CENPU: variants seen among roughly 807,000 people sequenced by gnomAD.
CENPU encodes the protein KSHV latent nuclear antigen interacting protein 1.
Under a neutral mutation model 56.7 loss-of-function variants are expected in CENPU, and 46 were observed. That is an observed-to-expected ratio of 0.81 (90% confidence interval 0.64 to 1.04). The LOEUF is 1.04. CENPU is among the 50% of genes least tolerant of loss of function. CENPU has a pLI of 0.00. For synonymous variants in CENPU, 166 were observed against 163.0 expected (o/e 1.02, Z -0.14); for missense variants, 510 against 490.1 (o/e 1.04, Z -0.38).
chr4:184,702,158 C>T (rs28660669), intron 9 of CENPU, 22 bp from the exon 10 acceptor site: 232,643 of 1,561,050 alleles, frequency 0.15, 18,744 homozygotes, highest in African/African-American at 0.26. Flanking sequence ...AAAAAATACA[C>T]ATGTACATCA....
Position 184,696,796 on chromosome 4 carries a change from T to C in CENPU, c.1143+851A>G, listed in dbSNP as rs554074307. ...GGCAGATGGCATAACAGTAGCAAAG[T>C]CTGCAGTAAAAATCCAGAAGCAACT... On this transcript the variant is annotated intron_variant, in intron 12 of 12. Coordinates refer to ENST00000281453, the MANE Select transcript of CENPU (RefSeq NM_024629.4). Among the ~76,000 whole-genome samples the C allele has an allele frequency of 9.9e-5, 15 of 152,038 alleles. No homozygotes were observed. The South Asian group carries it at 3.1e-3, about 32-fold the overall frequency.
chr4:184,731,883 C>CTGTGTGTGTGTGTGTGTGTG (rs59083873), intron 1 of CENPU, among the ~76,000 whole-genome samples: 3,278 of 146,702 alleles, frequency 0.022, 67 homozygotes, highest in South Asian at 0.032. Flanking sequence ...CTCATGTGCT[C>CTGTGTGTGTGTGTGTGTGTG]TGTGTGTGTG....
intron 2 of CENPU, 104 bp from the exon 3 acceptor site, chr4:184,729,139 AATCCTTATGCATGGG>A: frequency 2.3e-6 from 2 of 855,032 alleles, no homozygotes; most frequent in Non-Finnish European, 3.9e-6. Flanking sequence ...CTAAGGAAGC[AATCCTTATGCATGGG>A]GTGATGGATT....
rs746134998 is a variant in CENPU, at chr4:184,716,575, G to T, written c.440C>A (p.Thr147Lys). 1 of 1,614,100 alleles carries T rather than the reference G, an allele frequency of 6.2e-7. No individual in the cohort carries two copies. The highest frequency in any genetic ancestry group is 8.5e-7 in the Non-Finnish European group (1 of 1,180,020). ...DDSESIEESD[T>K]RRKVKSAEKI... The stretch of plus-strand genomic sequence containing the variant: ...CTCTGCTGATTTAACTTTTCTCCTT[G>T]TATCACTTTCTTCAATGCTTTCAGA... The change falls in exon 6 of 13, where the codon ACA (threonine) becomes AAA (lysine). Residue 147 changes from threonine to lysine, a missense_variant. By Grantham distance (78) the Thr-to-Lys change is moderately conservative. Coordinates refer to ENST00000281453, the MANE Select transcript of CENPU (RefSeq NM_024629.4).
chr4:184,723,841 C>CAAAAAAAAAAAAAAAAAAAAAAAAA (rs11299367), intron 4 of CENPU, among the ~76,000 whole-genome samples: 1 of 58,446 alleles, frequency 1.7e-5, no homozygotes, highest in Non-Finnish European at 3.0e-5. Context: ...GACTCCATCT[C>CAAAAAAAAAAAAAAAAAAAAAAAAA]AAAAAAAAAA....
chr4:184,721,171 G>T (rs1005608837), intron 4 of CENPU, among the ~76,000 whole-genome samples: 1 of 152,178 alleles, frequency 6.6e-6, no homozygotes, highest in South Asian at 2.1e-4. Context: ...TGCGAGCAGG[G>T]TTAAGTTGTT....
At chr4:184,723,408 T>C (rs1479722094) in intron 4 of CENPU, among the ~76,000 whole-genome samples, 9 of 152,208 alleles carry the variant, frequency 5.9e-5, no homozygotes, top group African/African-American at 2.2e-4. Flanking sequence ...TATGAAGACT[T>C]ACTATACACC....
chr4:184,723,841 C>CAA (rs11299367), intron 4 of CENPU, among the ~76,000 whole-genome samples: 20 of 58,450 alleles, frequency 3.4e-4, no homozygotes, highest in East Asian at 5.0e-4. Context: ...GACTCCATCT[C>CAA]AAAAAAAAAA....
intron 2 of CENPU, among the ~76,000 whole-genome samples, chr4:184,730,616 A>G (rs1196702500): frequency 1.6e-4 from 25 of 151,546 alleles, no homozygotes; most frequent in Admixed American, 1.3e-3. Context: ...CAATTCTTGA[A>G]AAGTACAATG....
chr4:184,707,402 C>G (rs1760764361), intron 8 of CENPU, among the ~76,000 whole-genome samples: 1 of 152,142 alleles, frequency 6.6e-6, no homozygotes, highest in Admixed American at 6.5e-5. Flanking sequence ...ACCTCTGTCC[C>G]TGTGTCCTCA....
In CENPU at chr4:184,713,005, C is replaced by G. The variant is rs1486004584; in HGVS notation, c.627G>C (p.Gln209His). The G allele has an allele frequency of 6.4e-7, 1 of 1,566,006 alleles. No individual in the cohort carries two copies. The highest frequency in any genetic ancestry group is 8.7e-7 in the Non-Finnish European group (1 of 1,155,338). The change falls in exon 7 of 13, where the codon CAG becomes CAC. Residue 209 changes from glutamine to histidine, a missense_variant. Physicochemically the swap from Gln to His is conservative, Grantham distance 24 (BLOSUM62 0). Transcript: ENST00000281453. ...NLAIESQSKT[Q>H]KKGKISHDKR... ...TGTCATGAGATATCTTCCCTTTTTTCTGAGTTTTCTACAAAAAAAAAAAGC... is the reference window on the plus strand; with the variant it reads ...TGTCATGAGATATCTTCCCTTTTTTGTGAGTTTTCTACAAAAAAAAAAAGC...
chr4:184,698,128 A>ATG (rs1760403478), intron 11 of CENPU: 4 of 221,068 alleles, frequency 1.8e-5, no homozygotes, highest in African/African-American at 4.7e-5. Context: ...AGAGGCTCGC[A>ATG]CCAGCGGAGC....
In CENPU at chr4:184,710,345, T is replaced by A. The variant is rs138862957; in HGVS notation, c.689-165A>T. The A allele has an allele frequency of 2.9e-4, 132 of 460,302 alleles. 2 individuals are homozygous for A. In the East Asian group the frequency reaches 4.3e-3, roughly 15 times the overall value. The allele number at this position is 460,302 out of a possible 1,614,324, so 28.5% of individuals were successfully genotyped here. A position where few individuals can be genotyped will look rare whatever the true frequency, so the allele number is the denominator to read the frequency against. On this transcript the variant is annotated intron_variant, in intron 7 of 12. Coordinates refer to ENST00000281453, the MANE Select transcript of CENPU (RefSeq NM_024629.4). ...ACTCACTTCTTATCCCTGTGCACAG[T>A]CTCGCAAACCCCTACATACACTTTC...
chr4:184,720,103 C>G (rs1761224630), intron 4 of CENPU, among the ~76,000 whole-genome samples: 1 of 152,114 alleles, frequency 6.6e-6, no homozygotes, highest in Admixed American at 6.5e-5. Flanking sequence ...TTCAAAATAG[C>G]TGTTCTGAGG....
chr4:184,708,826 T>C (rs147917261), intron 8 of CENPU, among the ~76,000 whole-genome samples: 1 of 152,264 alleles, frequency 6.6e-6, no homozygotes. Context: ...ATCTACAGGA[T>C]ATTGCAAGAA....
intron 7 of CENPU, 67 bp downstream of exon 7, chr4:184,712,877 G>A: frequency 9.2e-7 from 1 of 1,087,454 alleles, no homozygotes; most frequent in Non-Finnish European, 1.3e-6. Context: ...AACAAATTAA[G>A]AATAGGGTCT....
intron 8 of CENPU, among the ~76,000 whole-genome samples, chr4:184,708,930 T>C (rs568254526): frequency 5.5e-4 from 83 of 152,290 alleles, no homozygotes; most frequent in South Asian, 1.0e-3. Flanking sequence ...GGAAATTCTA[T>C]CTACCTTAAT....
chr4:184,697,927 C>T, intron 11 of CENPU, 124 bp from the exon 12 acceptor site: 1 of 631,848 alleles, frequency 1.6e-6, no homozygotes. Context: ...TGCTTTGGCT[C>T]TGAAACTACG....
chr4:184,726,825 A>G (rs945561885), intron 3 of CENPU, among the ~76,000 whole-genome samples: 1 of 152,158 alleles, frequency 6.6e-6, no homozygotes, highest in Non-Finnish European at 1.5e-5. Flanking sequence ...GCAGTGGCTC[A>G]CGTCTGTAAT....
Sources: gnomAD v4.1 joint callset for allele counts (sites outside exome capture counted in the v4.1 genomes callset) on GRCh38, gnomAD v4.1.1 for gene constraint, MANE v1.5 for transcripts, NCBI Gene and HGNC (gene_info 2026-07-23, HGNC 2026-07-21) for gene names.